The following ZDHHC21 variants were observed in gnomAD, a reference collection of about 807,000 sequenced individuals.
ZDHHC21 encodes zDHHC palmitoyltransferase 21.
ZDHHC21 carries 15 observed loss-of-function variants against 34.6 expected under a neutral mutation model. The observed-to-expected ratio is 0.43, with a 90% CI of 0.29 to 0.67. The LOEUF (loss-of-function observed/expected upper bound fraction) is 0.67, where lower values mean the gene tolerates loss of function less well. Among genes scored for constraint, ZDHHC21 ranks in the 30% least tolerant of loss-of-function variants. The pLI is 0.14. For missense variants in ZDHHC21, 344 were observed against 327.7 expected, an observed-to-expected ratio of 1.05 and a Z score of -0.38; for synonymous variants, 142 against 101.8, an observed-to-expected ratio of 1.40 and a Z score of -2.38.
intron 3 of ZDHHC21, among the ~76,000 whole-genome samples, chr9:14,678,049 C>T (rs1836741246): frequency 6.6e-6 from 1 of 152,030 alleles, no homozygotes; most frequent in African/African-American, 2.4e-5. Flanking sequence ...GACGATATTC[C>T]ATCCATGCCT....
chr9:14,658,905 AAAAG>A lies in ZDHHC21; in HGVS notation c.366-22_366-19del, dbSNP rs1832857817. ...TGTTAATCCTAAAGAAAAAAAATGA[AAAAG>A]AAACAATATTTTAAATTTCAAGAAG... On this transcript the variant is annotated intron_variant, in intron 6 of 9. Transcript: ENST00000380916. 4.4e-6 allele frequency: 7 copies of A among 1,593,522 alleles called. No homozygotes were observed. Among genetic ancestry groups the A allele is most frequent in the Non-Finnish European group, 6.0e-6 (7 of 1,173,094 alleles).
rs572943773 is a variant in ZDHHC21 at position 14,616,731 on chromosome 9, T to C, written c.*2235A>G. The C allele has an allele frequency of 8.6e-5, 13 of 151,990 alleles. No individual in the cohort carries two copies. In the South Asian group the frequency reaches 2.7e-3, roughly 31 times the overall value. The allele number at this position is 151,990 out of a possible 1,614,324, so 9.4% of individuals were successfully genotyped here. On this transcript the variant is annotated 3_prime_UTR_variant, in exon 10 of 10. Coordinates refer to ENST00000380916, the MANE Select transcript of ZDHHC21 (RefSeq NM_178566.6). ...AAGTATATATAGATATACTGTAATA[T>C]ACATTCTTATGTATATATACTGATA...
chr9:14,607,987 T>C (rs902743920), downstream of ZDHHC21, among the ~76,000 whole-genome samples: 8 of 152,310 alleles, frequency 5.3e-5, no homozygotes, highest in Middle Eastern at 3.4e-3. Context: ...TGTGGGTACT[T>C]TTCCGTGATG....
the ZDHHC21 span, among the ~76,000 whole-genome samples, chr9:14,600,928 T>C: frequency 1.3e-5 from 2 of 152,176 alleles, no homozygotes; most frequent in South Asian, 4.1e-4. Flanking sequence ...TAAATGGTGT[T>C]GGGAAAACTG....
At chr9:14,624,919 A>G (rs1404980173) in intron 8 of ZDHHC21, among the ~76,000 whole-genome samples, 1 of 152,124 alleles carries the variant, frequency 6.6e-6, no homozygotes, top group Non-Finnish European at 1.5e-5. Flanking sequence ...ATAACTATGT[A>G]CAATTATTAT....
chr9:14,620,892 T>C (rs1444374358), intron 8 of ZDHHC21, among the ~76,000 whole-genome samples: 1 of 152,040 alleles, frequency 6.6e-6, no homozygotes, highest in Non-Finnish European at 1.5e-5. Context: ...AGTTTTCCTA[T>C]CAAGCTGTGT....
chr9:14,645,866 T>C (rs999043013), intron 7 of ZDHHC21, among the ~76,000 whole-genome samples: 4 of 152,148 alleles, frequency 2.6e-5, no homozygotes, highest in Admixed American at 2.6e-4. Flanking sequence ...CACAATGAAG[T>C]ACTGCTCATA....
chr9:14,675,539 C>A (rs577031209), intron 3 of ZDHHC21, among the ~76,000 whole-genome samples: 101 of 151,962 alleles, frequency 6.6e-4, no homozygotes, highest in African/African-American at 2.4e-3. Flanking sequence ...AGCACTGACC[C>A]ATGAGCTTCA....
At chr9:14,691,536 T>C (rs1313347847) in intron 1 of ZDHHC21, among the ~76,000 whole-genome samples, 1 of 152,240 alleles carries the variant, frequency 6.6e-6, no homozygotes, top group African/African-American at 2.4e-5. Flanking sequence ...GATTCTTGTC[T>C]CAGAACTTCC....
chr9:14,657,025 C>A (rs1446263663), intron 7 of ZDHHC21, among the ~76,000 whole-genome samples: 1 of 151,942 alleles, frequency 6.6e-6, no homozygotes. Flanking sequence ...AAATATAACC[C>A]ATAATCCATT....
the ZDHHC21 span, among the ~76,000 whole-genome samples, chr9:14,594,786 A>G: frequency 1.1e-4 from 17 of 152,342 alleles, no homozygotes; most frequent in South Asian, 4.1e-4. Context: ...TGCAAATCAT[A>G]TATCTGATAA....
intron 8 of ZDHHC21, among the ~76,000 whole-genome samples, chr9:14,628,014 G>A (rs182911709): frequency 6.6e-6 from 1 of 152,202 alleles, no homozygotes; most frequent in Non-Finnish European, 1.5e-5. Context: ...ATGCCTCGAA[G>A]TAGACTGATT....
chr9:14,599,811 T>A, the ZDHHC21 span, among the ~76,000 whole-genome samples: 597 of 152,068 alleles, frequency 3.9e-3, 4 homozygotes, highest in African/African-American at 0.014. Context: ...TCCACCACAA[T>A]CAAGTGGGCT....
At chr9:14,643,173 G>A (rs1829677740) in intron 7 of ZDHHC21, among the ~76,000 whole-genome samples, 1 of 152,176 alleles carries the variant, frequency 6.6e-6, no homozygotes. Context: ...ACGTGAACCT[G>A]GCAGGTGGAG....
chr9:14,692,180 A>T (rs1839256316), intron 1 of ZDHHC21, among the ~76,000 whole-genome samples: 1 of 152,372 alleles, frequency 6.6e-6, no homozygotes, highest in East Asian at 1.9e-4. Context: ...TAAAATAAGT[A>T]AAATCTAAAG....
chr9:14,596,580 C>T, the ZDHHC21 span, among the ~76,000 whole-genome samples: 1 of 152,152 alleles, frequency 6.6e-6, no homozygotes, highest in Non-Finnish European at 1.5e-5. Context: ...CTGGTCCTCC[C>T]TGCAGAGAAA....
rs1450631487 is a variant in ZDHHC21, at chr9:14,613,996, TTTAAG to T, written c.*4965_*4969del. The T allele has an allele frequency of 1.3e-5, 2 of 151,838 alleles. No individual in the cohort carries two copies. Among genetic ancestry groups the T allele is most frequent in the Non-Finnish European group, 2.9e-5 (2 of 67,800 alleles). 9.4% of individuals were successfully genotyped at this position (151,838 alleles called of 1,614,324 possible). On this transcript the variant is annotated 3_prime_UTR_variant, in exon 10 of 10. Coordinates refer to ENST00000380916, the MANE Select transcript of ZDHHC21 (RefSeq NM_178566.6). ...TGAAGAGAAACCGCAATATAAATTC[TTTAAG>T]TTAAATAATTCAAACTAAATGCTTA...
the ZDHHC21 span, chr9:14,593,590 G>C: frequency 1.3e-5 from 2 of 152,176 alleles, no homozygotes; most frequent in South Asian, 2.1e-4. Context: ...GTTTGCTCAA[G>C]GATTAAAGAG....
intron 8 of ZDHHC21, among the ~76,000 whole-genome samples, chr9:14,626,775 A>G (rs967563375): frequency 1.3e-5 from 2 of 151,994 alleles, no homozygotes; most frequent in African/African-American, 2.4e-5. Flanking sequence ...TATTATACCC[A>G]ATTTTACTAT....
Sources: gnomAD v4.1 joint callset for allele counts (sites outside exome capture counted in the v4.1 genomes callset) on GRCh38, gnomAD v4.1.1 for gene constraint, MANE v1.5 for transcripts, NCBI Gene and HGNC (gene_info 2026-07-23, HGNC 2026-07-21) for gene names.